PRTG: variants seen among roughly 807,000 people sequenced by gnomAD.
PRTG encodes protogenin, also known as immunoglobulin superfamily, DCC subclass, member 5.
In PRTG, 67 loss-of-function variants were observed where a neutral mutation model predicts 122.5. That is an observed-to-expected ratio of 0.55 (90% confidence interval 0.45 to 0.67). The LOEUF (loss-of-function observed/expected upper bound fraction) is 0.67, where lower values mean the gene tolerates loss of function less well. Among genes scored for constraint, PRTG ranks in the 30% least tolerant of loss-of-function variants. PRTG has a pLI of 0.00. For missense variants in PRTG, 1,435 were observed against 1,415.4 expected (o/e 1.01, Z -0.22); for synonymous variants, 554 against 501.1 (o/e 1.11, Z -1.41).
At chr15:55,727,554 G>A (rs1354250529) in intron 2 of PRTG, among the ~76,000 whole-genome samples, 3 of 152,106 alleles carry the variant, frequency 2.0e-5, no homozygotes, top group African/African-American at 7.2e-5. Context: ...CCAGCACTTT[G>A]GGAGGCTGAG....
intron 2 of PRTG, chr15:55,702,956 C>T: frequency 1.0e-6 from 1 of 982,612 alleles, no homozygotes; most frequent in Non-Finnish European, 1.2e-6. Context: ...GGTCCCCTGA[C>T]ATTCTAAACC....
chr15:55,736,560 T>C (rs1211690410), intron 2 of PRTG, among the ~76,000 whole-genome samples: 3 of 152,122 alleles, frequency 2.0e-5, no homozygotes, highest in Non-Finnish European at 2.9e-5. Flanking sequence ...TTGATGTATG[T>C]TTTTATTAAT....
At chr15:55,736,555 G>A (rs892379886) in intron 2 of PRTG, among the ~76,000 whole-genome samples, 9 of 151,810 alleles carry the variant, frequency 5.9e-5, no homozygotes, top group Non-Finnish European at 2.9e-5. Context: ...TTAAATTGAT[G>A]TATGTTTTTA....
In PRTG at chr15:55,677,855, C is replaced by T. The variant is rs781485180; in HGVS notation, c.1323G>A (p.Arg441=). The change falls in exon 8 of 20, where the codon AGG becomes AGA. Residue 441 remains arginine (R), a synonymous_variant. Coordinates refer to ENST00000389286, the MANE Select transcript of PRTG (RefSeq NM_173814.6). ...TGACTTTGTCTGAATTATAAAGTGG[C>T]CTCTCCCAGGCTAAAAGAATGGCTG... ...SSSAILLAWE[R]PLYNSDKVIA... is the part of the protein sequence containing the mutation. 2.5e-6 allele frequency: 4 copies of T among 1,613,818 alleles called. No individual in the cohort carries two copies. In the South Asian group the frequency reaches 3.3e-5, roughly 13 times the overall value.
intron 7 of PRTG, 99 bp from the exon 8 acceptor site, chr15:55,678,143 T>C (rs1013462871): frequency 2.9e-6 from 2 of 701,470 alleles, no homozygotes; most frequent in Middle Eastern, 4.1e-4. Flanking sequence ...TATTTTATTT[T>C]AAAATTAAAA....
chr15:55,725,904 T>A (rs1435692960), intron 2 of PRTG, among the ~76,000 whole-genome samples: 3 of 151,858 alleles, frequency 2.0e-5, no homozygotes, highest in African/African-American at 7.3e-5. Flanking sequence ...CCGGAGTAGC[T>A]GAGATTACAG....
chr15:55,712,588 A>G (rs2030430263), intron 2 of PRTG, among the ~76,000 whole-genome samples: 1 of 152,188 alleles, frequency 6.6e-6, no homozygotes, highest in Non-Finnish European at 1.5e-5. Context: ...AATTGAATTA[A>G]CCATGTGGTA....
intron 2 of PRTG, among the ~76,000 whole-genome samples, chr15:55,733,597 T>A (rs2031311241): frequency 6.7e-6 from 1 of 148,680 alleles, no homozygotes; most frequent in East Asian, 2.0e-4. Context: ...GAAACCAAGG[T>A]GGGAGGAATG....
intron 2 of PRTG, among the ~76,000 whole-genome samples, chr15:55,686,759 TTATAATTCACGAAATACACCA>T (rs2059572792): frequency 1.3e-5 from 2 of 152,332 alleles, no homozygotes; most frequent in African/African-American, 4.8e-5. Flanking sequence ...ACTGAGCTAC[TTATAATTCACGAAATACACCA>T]TGGTATTTCA....
rs1265478355 is a variant in PRTG, at chr15:55,622,573, A to T, written c.3093+1769T>A. Among the ~76,000 whole-genome samples the T allele has an allele frequency of 2.7e-5, 4 of 149,060 alleles. No homozygotes were observed. The East Asian group carries it at 7.9e-4, about 29-fold the overall frequency. On this transcript the variant is annotated intron_variant, in intron 18 of 19. Coordinates refer to ENST00000389286, the MANE Select transcript of PRTG (RefSeq NM_173814.6). ...TAATTTTTTTTTTTTTTAAATTTTT[A>T]GTAGAGACGGGGTTTCACCATGTTA...
At chr15:55,723,274 C>T (rs1269561077) in intron 2 of PRTG, among the ~76,000 whole-genome samples, 4 of 151,212 alleles carry the variant, frequency 2.6e-5, no homozygotes, top group South Asian at 4.2e-4. Flanking sequence ...GAGGTTAGCA[C>T]CTAAATAACT....
intron 11 of PRTG, among the ~76,000 whole-genome samples, chr15:55,665,510 T>C (rs988003482): frequency 2.7e-5 from 4 of 150,230 alleles, no homozygotes; most frequent in African/African-American, 9.7e-5. Flanking sequence ...TTTTTTTGTT[T>C]TTTTTTTTTT....
At chr15:55,736,091 T>C (rs562795751) in intron 2 of PRTG, among the ~76,000 whole-genome samples, 2 of 152,300 alleles carry the variant, frequency 1.3e-5, no homozygotes, top group South Asian at 4.1e-4. Context: ...GCAGATTGGT[T>C]TCTCTACATA....
At position 55,738,002 on chromosome 15, in the gene PRTG, C is replaced by CTCTCTCTCTCTATA. The variant is rs1248440584; in HGVS notation, c.397+2379_397+2380insTATAGAGAGAGAGA. Among the ~76,000 whole-genome samples the CTCTCTCTCTCTATA allele has an allele frequency of 1.7e-4, 16 of 96,684 alleles. No homozygotes were observed. In the East Asian group the frequency reaches 1.9e-3, roughly 12 times the overall value. The allele number at this position is 96,684 out of a possible 152,430, so 63.4% of individuals were successfully genotyped here. On this transcript the variant is annotated intron_variant, in intron 2 of 19. Transcript: ENST00000389286. ...TCTCTCTCTCTCTCTCTCTCTCTCT[C>CTCTCTCTCTCTATA]TATATATATATATATATATATATAC...
In PRTG at chr15:55,680,641, A is replaced by G. The variant is rs751493964; in HGVS notation, c.677-13T>C. ...TTTGACTCCTTAGCTTTGGGGAGGA[A>G]AAGACAGAATATAAAAATAAATTAT... On this transcript the variant is annotated splice_polypyrimidine_tract_variant and intron_variant, in intron 4 of 19. Coordinates refer to ENST00000389286, the MANE Select transcript of PRTG (RefSeq NM_173814.6). The G allele has an allele frequency of 3.4e-6, 5 of 1,467,586 alleles. No homozygotes were observed. Among genetic ancestry groups the G allele is most frequent in the Non-Finnish European group, 4.5e-6 (5 of 1,100,544 alleles). The allele number at this position is 1,467,586 out of a possible 1,614,324, so 90.9% of individuals were successfully genotyped here. A position where few individuals can be genotyped will look rare whatever the true frequency, so the allele number is the denominator to read the frequency against.
chr15:55,730,516 A>T (rs1404237686), intron 2 of PRTG, among the ~76,000 whole-genome samples: 1 of 152,048 alleles, frequency 6.6e-6, no homozygotes, highest in Non-Finnish European at 1.5e-5. Context: ...AGTAGTGACT[A>T]TAGGCTAGAT....
In PRTG at chr15:55,742,851, G is replaced by A. The variant is rs1451735449; in HGVS notation, c.81C>T (p.Leu27=). Reference sequence around the variant, plus strand: ...AAGCGCGCCCACCTGGCAAAGGACTGAGCAGCAGCAGGAGCAGGAGCGCGC... The same window carrying A: ...AAGCGCGCCCACCTGGCAAAGGACTAAGCAGCAGCAGGAGCAGGAGCGCGC... ...LLRALLLLLL[L]SPLPGVWCFS... is the part of the protein sequence containing the mutation. Residue 27 remains leucine (L), a synonymous_variant, in exon 1 of 20, where the codon CTC becomes CTT. Transcript: ENST00000389286. The A allele has an allele frequency of 6.5e-7, 1 of 1,540,582 alleles. No individual in the cohort carries two copies. Among genetic ancestry groups the A allele is most frequent in the Admixed American group, 2.0e-5 (1 of 50,672 alleles).
At position 55,637,218 on chromosome 15, in the gene PRTG, A is replaced by G; in HGVS notation, c.2575T>C (p.Ser859Pro). ...VVTRYTILYA[S>P]RKAWIAGEWQ... ...TCTCCTGCAATCCAGGCCTTCCTAGATGCATATAAGATAGTATAGCGGGTC... is the reference window on the plus strand; with the variant it reads ...TCTCCTGCAATCCAGGCCTTCCTAGGTGCATATAAGATAGTATAGCGGGTC... The change falls in exon 15 of 20, where the codon TCT (serine) becomes CCT (proline). Residue 859 changes from serine to proline, a missense_variant. Ser to Pro is a moderately conservative substitution (Grantham distance 74, BLOSUM62 -1). Coordinates refer to ENST00000389286, the MANE Select transcript of PRTG (RefSeq NM_173814.6). The G allele has an allele frequency of 1.2e-6, 2 of 1,612,412 alleles. No homozygotes were observed. Among genetic ancestry groups the G allele is most frequent in the Non-Finnish European group, 1.7e-6 (2 of 1,179,354 alleles).
intron 1 of PRTG, 69 bp from the exon 2 acceptor site, chr15:55,740,753 C>G: frequency 2.3e-6 from 3 of 1,294,240 alleles, no homozygotes; most frequent in Admixed American, 4.5e-5. Context: ...TAACACACAA[C>G]TGTAAAACAC....
Sources: gnomAD v4.1 joint callset for allele counts (sites outside exome capture counted in the v4.1 genomes callset) on GRCh38, gnomAD v4.1.1 for gene constraint, MANE v1.5 for transcripts, NCBI Gene and HGNC (gene_info 2026-07-23, HGNC 2026-07-21) for gene names.